Variants in UPRT observed in about 807,000 individuals in gnomAD.
UPRT encodes the protein uracil phosphoribosyltransferase homolog.
In UPRT, 5 loss-of-function variants were observed where a neutral mutation model predicts 22.6. The ratio of observed to expected loss-of-function variants is 0.22; its 90% confidence interval spans 0.12 to 0.47. UPRT has a LOEUF of 0.47. Among genes scored for constraint, UPRT ranks in the 20% least tolerant of loss-of-function variants. The probability of loss-of-function intolerance (pLI) is 0.99; values close to 1 mark genes in which losing one functional copy is unlikely to be tolerated. For missense variants in UPRT, 181 were observed against 239.9 expected (o/e 0.75, Z 1.62); for synonymous variants, 77 against 87.7 (o/e 0.88, Z 0.68).
At chrX:75,169,912 T>C (rs1321964772) in intron 4 of UPRT, among the ~76,000 whole-genome samples, 1 of 111,815 alleles carries the variant, frequency 8.9e-6, no homozygotes, top group African/African-American at 3.3e-5. Context: ...ATCTCATTTC[T>C]TAGGTCTAGT....
chrX:75,294,930 G>A (rs965659253), intron 2 of UPRT, among the ~76,000 whole-genome samples: 2 of 111,395 alleles, frequency 1.8e-5, no homozygotes, highest in Non-Finnish European at 3.8e-5. Flanking sequence ...GAAAGGGCAA[G>A]CATAATCTTA....
intron 6 of UPRT, among the ~76,000 whole-genome samples, chrX:75,302,198 A>G (rs1259800712): frequency 9.0e-6 from 1 of 111,499 alleles, no homozygotes; most frequent in Non-Finnish European, 1.9e-5. Context: ...GCTGTTTCAT[A>G]ACTAAATATT....
At chrX:75,183,076 C>T (rs988739109) in intron 4 of UPRT, among the ~76,000 whole-genome samples, 1 of 109,961 alleles carries the variant, frequency 9.1e-6, no homozygotes, top group African/African-American at 3.3e-5. Context: ...ACAACATGCA[C>T]GTTTGTTACA....
In UPRT at chrX:75,242,234, T is replaced by C. The variant is rs142314318; in HGVS notation, c.-446-48790T>C. 4.4e-3 allele frequency among the ~76,000 whole-genome samples: 494 copies of C among 111,494 alleles called. 2 individuals carry two copies. Among genetic ancestry groups the C allele is most frequent in the African/African-American group, 0.015 (476 of 30,806 alleles). ...TTGTTCAGAACATTGGCTATCCTTT[T>C]AGTTAATAGATTTTTGTTCATAAGA... On this transcript the variant is annotated intron_variant, in intron 4 of 13. Transcript: ENST00000652605.
At chrX:75,220,840 TATAA>T (rs1291699106) in intron 4 of UPRT, among the ~76,000 whole-genome samples, 2 of 112,006 alleles carry the variant, frequency 1.8e-5, no homozygotes, top group East Asian at 2.8e-4. Context: ...CTACTTAAGA[TATAA>T]ATAGTTTGCA....
intron 4 of UPRT, among the ~76,000 whole-genome samples, chrX:75,189,621 C>G (rs1329374746): frequency 1.8e-5 from 2 of 111,713 alleles, no homozygotes; most frequent in Admixed American, 9.5e-5. Context: ...GAATCTAAGT[C>G]TCTTTACATG....
chrX:75,236,397 C>G (rs1486359120), intron 4 of UPRT, among the ~76,000 whole-genome samples: 1 of 111,257 alleles, frequency 9.0e-6, no homozygotes, highest in Non-Finnish European at 1.9e-5. Context: ...AGATTCAATG[C>G]CATCCCCATC....
chrX:75,299,157 C>A (rs751055213), intron 4 of UPRT, among the ~76,000 whole-genome samples: 1 of 112,221 alleles, frequency 8.9e-6, no homozygotes, highest in African/African-American at 3.2e-5. Context: ...CAGAAATCAA[C>A]GGTGGTAGTG....
At chrX:75,200,502 G>T (rs900500709) in intron 4 of UPRT, among the ~76,000 whole-genome samples, 3 of 112,299 alleles carry the variant, frequency 2.7e-5, no homozygotes, top group Non-Finnish European at 5.6e-5. Flanking sequence ...ACTGAGGCAT[G>T]AGAATCACTT....
At chrX:75,198,984 G>A (rs1002733856) in intron 4 of UPRT, among the ~76,000 whole-genome samples, 1 of 111,953 alleles carries the variant, frequency 8.9e-6, no homozygotes. Flanking sequence ...AAGCATATAG[G>A]CCAGCCCTGC....
intron 1 of UPRT, among the ~76,000 whole-genome samples, chrX:75,279,682 T>C (rs2082645629): frequency 9.0e-6 from 1 of 111,226 alleles, no homozygotes; most frequent in Non-Finnish European, 1.9e-5. Context: ...GGGGTACAGG[T>C]GGTATTTGAT....
chrX:75,227,163 C>T lies in UPRT; in HGVS notation c.-447+59284C>T, dbSNP rs759031043. Among the ~76,000 whole-genome samples the T allele has an allele frequency of 3.2e-4, 36 of 111,493 alleles. No individual in the cohort carries two copies. In the East Asian group the frequency reaches 9.9e-3, roughly 31 times the overall value. ...TGACTTGGGCCATGGCAATGCTTCC[C>T]AATGGCCATGGGCATAGGCTCCCAC... On this transcript the variant is annotated intron_variant, in intron 4 of 13. Transcript: ENST00000652605.
At chrX:75,220,118 G>A (rs1391878550) in intron 4 of UPRT, among the ~76,000 whole-genome samples, 1 of 111,077 alleles carries the variant, frequency 9.0e-6, no homozygotes, top group Non-Finnish European at 1.9e-5. Context: ...TATTTACCAT[G>A]TTATATATTC....
At chrX:75,172,315 G>A (rs972489962) in intron 4 of UPRT, among the ~76,000 whole-genome samples, 2 of 111,223 alleles carry the variant, frequency 1.8e-5, no homozygotes, top group Middle Eastern at 4.6e-3. Context: ...ATGTTCCCAG[G>A]AGGATTATGG....
At chrX:75,277,114 A>T (rs1569280773) in intron 1 of UPRT, among the ~76,000 whole-genome samples, 1 of 112,047 alleles carries the variant, frequency 8.9e-6, no homozygotes, top group Non-Finnish European at 1.9e-5. Context: ...TGAATATACC[A>T]CAATTTGTTT....
At chrX:75,179,418 A>C (rs34275834) in intron 4 of UPRT, among the ~76,000 whole-genome samples, 71,564 of 112,008 alleles carry the variant, frequency 0.64, 20,465 homozygotes, top group Non-Finnish European at 0.91. Context: ...AAGACTCTCC[A>C]CGTCCCCACC....
At chrX:75,221,520 T>C (rs2082410616) in intron 4 of UPRT, among the ~76,000 whole-genome samples, 1 of 111,641 alleles carries the variant, frequency 9.0e-6, no homozygotes, top group African/African-American at 3.2e-5. Context: ...TATATTCTTT[T>C]TTCTTTTGTC....
At chrX:75,239,362 G>A (rs1220154283) in intron 4 of UPRT, among the ~76,000 whole-genome samples, 1 of 110,754 alleles carries the variant, frequency 9.0e-6, no homozygotes. Context: ...ACTAGAGAAG[G>A]ATACATTCCT....
chrX:75,160,791 A>G (rs771643096), intron 2 of UPRT, among the ~76,000 whole-genome samples: 25 of 112,324 alleles, frequency 2.2e-4, no homozygotes, highest in African/African-American at 6.8e-4. Flanking sequence ...AGCTTCCCCA[A>G]TGGCTGGGAT....
Sources: gnomAD v4.1 joint callset for allele counts (sites outside exome capture counted in the v4.1 genomes callset) on GRCh38, gnomAD v4.1.1 for gene constraint, MANE v1.5 for transcripts, NCBI Gene and HGNC (gene_info 2026-07-23, HGNC 2026-07-21) for gene names.